CMC1: variants seen among roughly 807,000 people sequenced by gnomAD.
The protein encoded by CMC1 is C-X9-C motif containing 1, also known as COX assembly mitochondrial protein homolog.
CMC1 carries 14 observed loss-of-function variants against 14.1 expected under a neutral mutation model. The observed-to-expected ratio is 0.99, with a 90% CI of 0.66 to 1.55. The LOEUF is 1.55. CMC1 is among the 40% of genes most tolerant of loss of function. The pLI is 0.00. For missense variants in CMC1, 127 were observed against 123.8 expected (o/e 1.03, Z -0.12); for synonymous variants, 50 against 38.4 (o/e 1.30, Z -1.12).
At position 28,321,985 on chromosome 3, in the gene CMC1, T is replaced by TAAA. The variant is rs1411165438; in HGVS notation, c.*2358_*2360dup. On this transcript the variant is annotated 3_prime_UTR_variant, in exon 4 of 4. Transcript: ENST00000466830. ...TCAGCTAGTATGAAAGAAGTCAACA[T>TAAA]AAAATATTCAATTTTAAATAGATTC... 1 of 151,322 alleles carries TAAA rather than the reference T, an allele frequency of 6.6e-6. No homozygotes were observed. The highest frequency in any genetic ancestry group is 2.4e-5 in the African/African-American group (1 of 41,332). 9.4% of individuals were successfully genotyped at this position (151,322 alleles called of 1,614,324 possible). A position where few individuals can be genotyped will look rare whatever the true frequency, so the allele number is the denominator to read the frequency against.
chr3:28,303,612 G>A (rs80202711), intron 2 of CMC1, among the ~76,000 whole-genome samples: 1,840 of 152,160 alleles, frequency 0.012, 36 homozygotes, highest in African/African-American at 0.041. Flanking sequence ...TGTCAAAGAA[G>A]TTAGATAACA....
chr3:28,253,043 T>C (rs1407221254), intron 1 of CMC1, among the ~76,000 whole-genome samples: 1 of 152,186 alleles, frequency 6.6e-6, no homozygotes, highest in African/African-American at 2.4e-5. Context: ...AGATGTCTCT[T>C]CGTCTACCCT....
At chr3:28,260,502 GT>G (rs1209182261) in intron 1 of CMC1, among the ~76,000 whole-genome samples, 1 of 150,444 alleles carries the variant, frequency 6.6e-6, no homozygotes, top group Non-Finnish European at 1.5e-5. Context: ...AGTCTGGCTA[GT>G]GGTTTATAAA....
At position 28,319,614 on chromosome 3, in the gene CMC1, T is replaced by G; in HGVS notation, c.306T>G (p.Leu102=). The change falls in exon 4 of 4, where the codon CTT becomes CTG. Residue 102 remains leucine, a synonymous_variant. Transcript: ENST00000466830. The part of the protein sequence containing the change: ...GIPTKKRLQK[L]PTSM Reference sequence around the variant, plus strand: ...CTACAAAGAAAAGGCTACAGAAGCTTCCAACAAGCATGTAGGCAGATACTC... The same window carrying G: ...CTACAAAGAAAAGGCTACAGAAGCTGCCAACAAGCATGTAGGCAGATACTC... 6.2e-7 allele frequency: 1 copy of G among 1,606,464 alleles called. No individual in the cohort carries two copies. Among genetic ancestry groups the G allele is most frequent in the Non-Finnish European group, 8.5e-7 (1 of 1,176,330 alleles).
At chr3:28,263,158 C>A in intron 1 of CMC1, 133 bp from the exon 2 acceptor site, 4 of 634,744 alleles carry the variant, frequency 6.3e-6, no homozygotes, top group Non-Finnish European at 1.1e-5. Flanking sequence ...CTAAAATAAT[C>A]ACAATTTCAT....
rs1577114506 is a variant in CMC1 at position 28,321,429 on chromosome 3, A to G, written c.*1800A>G. On this transcript the variant is annotated 3_prime_UTR_variant, in exon 4 of 4. Transcript: ENST00000466830. ...CCCCATAGAAGCCAGATTAGATTAC[A>G]CAGTATAAATAATATGTTCATCCTC... 6.6e-6 allele frequency: 1 copy of G among 151,424 alleles called. No homozygotes were observed. Among genetic ancestry groups the G allele is most frequent in the East Asian group, 1.9e-4 (1 of 5,164 alleles). The allele number at this position is 151,424 out of a possible 1,614,324, so 9.4% of individuals were successfully genotyped here.
intron 2 of CMC1, among the ~76,000 whole-genome samples, chr3:28,311,672 G>T (rs1194816224): frequency 2.0e-5 from 3 of 152,148 alleles, no homozygotes; most frequent in African/African-American, 7.2e-5. Context: ...CAGCACTTAG[G>T]CGTCGTCTAT....
At position 28,241,830 on chromosome 3, in the gene CMC1, G is replaced by T; in HGVS notation, c.19+18G>T. ...CCCCGCAGGTACCGGGGCGGGAAGC[G>T]GGGTTTGCCGAGGGGCCTCGCCCCG... On this transcript the variant is annotated intron_variant, in intron 1 of 3. Coordinates refer to ENST00000466830, the MANE Select transcript of CMC1 (RefSeq NM_182523.2). 2 of 1,237,654 alleles carry T rather than the reference G, an allele frequency of 1.6e-6. No homozygotes were observed. Among genetic ancestry groups the T allele is most frequent in the African/African-American group, 1.5e-5 (1 of 64,622 alleles). The allele number at this position is 1,237,654 out of a possible 1,614,324, so 76.7% of individuals were successfully genotyped here.
At position 28,241,821 on chromosome 3, in the gene CMC1, G is replaced by T. The variant is rs545275178; in HGVS notation, c.19+9G>T. 3.2e-6 allele frequency: 4 copies of T among 1,238,416 alleles called. No individual in the cohort carries two copies. The African/African-American group carries it at 4.7e-5, about 14-fold the overall frequency. 76.7% of individuals were successfully genotyped at this position (1,238,416 alleles called of 1,614,324 possible). A position where few individuals can be genotyped will look rare whatever the true frequency, so the allele number is the denominator to read the frequency against. On this transcript the variant is annotated intron_variant, in intron 1 of 3. Coordinates refer to ENST00000466830, the MANE Select transcript of CMC1 (RefSeq NM_182523.2). ...GGCGCTCGACCCCGCAGGTACCGGG[G>T]CGGGAAGCGGGGTTTGCCGAGGGGC...
chr3:28,249,733 G>A (rs956260020), intron 1 of CMC1, among the ~76,000 whole-genome samples: 1 of 152,130 alleles, frequency 6.6e-6, no homozygotes, highest in Admixed American at 6.5e-5. Context: ...GTCTACTCAG[G>A]CTGCCATAAC....
intron 2 of CMC1, among the ~76,000 whole-genome samples, chr3:28,285,873 TCTC>T (rs1701149008): frequency 6.6e-6 from 1 of 151,854 alleles, no homozygotes; most frequent in Non-Finnish European, 1.5e-5. Flanking sequence ...TTCACGCCAT[TCTC>T]CTGCTTCAGC....
chr3:28,288,139 A>G (rs1202406088), intron 2 of CMC1, among the ~76,000 whole-genome samples: 1 of 152,098 alleles, frequency 6.6e-6, no homozygotes, highest in Non-Finnish European at 1.5e-5. Context: ...ATCTTCTTCA[A>G]CGTGTTTTTA....
At chr3:28,263,236 T>G (rs1339144528) in intron 1 of CMC1, 55 bp from the exon 2 acceptor site, 1 of 1,294,064 alleles carries the variant, frequency 7.7e-7, no homozygotes, top group Non-Finnish European at 1.1e-6. Flanking sequence ...TTATTTTTCC[T>G]TTAATCTGGT....
intron 2 of CMC1, among the ~76,000 whole-genome samples, chr3:28,285,945 T>G (rs1701155658): frequency 6.6e-6 from 1 of 152,110 alleles, no homozygotes; most frequent in South Asian, 2.1e-4. Flanking sequence ...TTTTGTATTT[T>G]TAGTAGAGAC....
intron 2 of CMC1, among the ~76,000 whole-genome samples, chr3:28,277,285 T>A (rs1308888242): frequency 6.6e-6 from 1 of 152,230 alleles, no homozygotes; most frequent in Non-Finnish European, 1.5e-5. Context: ...TTGGTAATAC[T>A]GTTTGCATAT....
chr3:28,259,394 T>C (rs900237350), intron 1 of CMC1, among the ~76,000 whole-genome samples: 2 of 152,094 alleles, frequency 1.3e-5, no homozygotes, highest in South Asian at 4.1e-4. Flanking sequence ...GATATTAACA[T>C]TTCATAGGGG....
chr3:28,319,052 C>T, intron 3 of CMC1: 2 of 341,510 alleles, frequency 5.9e-6, no homozygotes, highest in Non-Finnish European at 5.8e-6. Flanking sequence ...GCAGGTTTTC[C>T]TGCATTAATT....
chr3:28,272,246 C>G (rs1474323744), intron 2 of CMC1, among the ~76,000 whole-genome samples: 1 of 152,074 alleles, frequency 6.6e-6, no homozygotes, highest in Non-Finnish European at 1.5e-5. Context: ...GCCACAATTT[C>G]CAATACTGTG....
rs567344681 is a variant in CMC1 at position 28,284,710 on chromosome 3, C to A, written c.109+21330C>A. Among the ~76,000 whole-genome samples, 6 of 150,540 alleles carry A rather than the reference C, an allele frequency of 4.0e-5. No individual in the cohort carries two copies. The East Asian group carries it at 1.2e-3, about 29-fold the overall frequency. Reference sequence around the variant, plus strand: ...TTCTATATAAGCCATAAGTTTTTGGCTGTTTTTGTTGTTAGATTTCTGTGT... The same window carrying A: ...TTCTATATAAGCCATAAGTTTTTGGATGTTTTTGTTGTTAGATTTCTGTGT... On this transcript the variant is annotated intron_variant, in intron 2 of 3. Transcript: ENST00000466830.
Sources: allele counts gnomAD v4.1 joint callset (sites outside exome capture counted in the v4.1 genomes callset), GRCh38; gene constraint gnomAD v4.1.1; transcripts MANE v1.5; gene names NCBI Gene and HGNC (gene_info 2026-07-23, HGNC 2026-07-21).